Variants in PHF20L1 observed in about 807,000 individuals in gnomAD.
PHF20L1 encodes PHD finger protein 20-like protein 1.
PHF20L1 carries 44 observed loss-of-function variants against 125.5 expected under a neutral mutation model. The ratio of observed to expected loss-of-function variants is 0.35; its 90% confidence interval spans 0.28 to 0.45. The LOEUF is 0.45. Among genes scored for constraint, PHF20L1 ranks in the 20% least tolerant of loss-of-function variants. The pLI is 1.00. For synonymous variants in PHF20L1, 380 were observed against 403.1 expected, an observed-to-expected ratio of 0.94 and a Z score of 0.69; for missense variants, 1,012 against 1,217.2, an observed-to-expected ratio of 0.83 and a Z score of 2.51.
intron 6 of PHF20L1, among the ~76,000 whole-genome samples, chr8:132,802,264 T>G (rs535506207): frequency 6.6e-6 from 1 of 151,738 alleles, no homozygotes; most frequent in East Asian, 1.9e-4. Flanking sequence ...TTCATCGCTC[T>G]TTCACTTTTC....
At chr8:132,793,344 TTGAAATATCTGAAAAAC>T (rs1378450922) in intron 2 of PHF20L1, among the ~76,000 whole-genome samples, 1 of 152,184 alleles carries the variant, frequency 6.6e-6, no homozygotes, top group Non-Finnish European at 1.5e-5. Context: ...AGAATGATCC[TTGAAATATCTGAAAAAC>T]TCTGAATAGC....
At chr8:132,797,534 G>T (rs1178141870) in intron 4 of PHF20L1, among the ~76,000 whole-genome samples, 1 of 151,978 alleles carries the variant, frequency 6.6e-6, no homozygotes, top group Non-Finnish European at 1.5e-5. Flanking sequence ...GAGTTTTTCT[G>T]GAATGCTGTA....
intron 2 of PHF20L1, among the ~76,000 whole-genome samples, chr8:132,789,401 A>G (rs982246202): frequency 3.9e-5 from 6 of 152,170 alleles, no homozygotes; most frequent in African/African-American, 9.6e-5. Flanking sequence ...AGTTATGGCT[A>G]TAGTTTGACT....
At chr8:132,776,558 T>G (rs550288088) in intron 1 of PHF20L1, among the ~76,000 whole-genome samples, 3 of 152,238 alleles carry the variant, frequency 2.0e-5, no homozygotes, top group African/African-American at 4.8e-5. Context: ...GGATACCCAC[T>G]CTCCCCCTCC....
chr8:132,816,477 A>G (rs1051299661), intron 10 of PHF20L1: 1 of 156,450 alleles, frequency 6.4e-6, no homozygotes, highest in Non-Finnish European at 1.4e-5. Flanking sequence ...TTTCCCTTAG[A>G]GTTTCTAGAT....
intron 13 of PHF20L1, chr8:132,825,031 T>A (rs376927064): frequency 1.4e-6 from 2 of 1,439,890 alleles, no homozygotes; most frequent in African/African-American, 2.8e-5. Context: ...GTGTTAACTT[T>A]AAGGTATCAG....
chr8:132,831,875 C>T (rs543813607), intron 14 of PHF20L1, among the ~76,000 whole-genome samples: 1 of 152,136 alleles, frequency 6.6e-6, no homozygotes, highest in Admixed American at 6.6e-5. Flanking sequence ...GTGTGTTGTT[C>T]TTCCCCATGT....
chr8:132,824,752 GTTC>G (rs1214034733), intron 13 of PHF20L1: 1 of 168,356 alleles, frequency 5.9e-6, no homozygotes, highest in Non-Finnish European at 1.3e-5. Flanking sequence ...TTTTCCTCGT[GTTC>G]TTAGCCTTCA....
intron 2 of PHF20L1, among the ~76,000 whole-genome samples, chr8:132,783,501 A>G (rs1023702676): frequency 5.3e-5 from 8 of 152,144 alleles, no homozygotes; most frequent in African/African-American, 1.9e-4. Context: ...TTCTAATTAG[A>G]TTTAACTATT....
At chr8:132,825,236 T>A (rs1055960504) in intron 13 of PHF20L1, 28 bp from the exon 14 acceptor site, 33 of 1,592,584 alleles carry the variant, frequency 2.1e-5, no homozygotes, top group Non-Finnish European at 2.8e-5. Flanking sequence ...CAGTCGTGAT[T>A]GCTAAAGTAT....
chr8:132,814,290 C>T (rs916805078), intron 9 of PHF20L1, among the ~76,000 whole-genome samples: 8 of 151,722 alleles, frequency 5.3e-5, no homozygotes, highest in South Asian at 2.1e-4. Flanking sequence ...GTTTATTTTT[C>T]GAATTATTGT....
chr8:132,784,768 T>G (rs1227117575), intron 2 of PHF20L1, among the ~76,000 whole-genome samples: 2 of 152,232 alleles, frequency 1.3e-5, no homozygotes, highest in African/African-American at 4.8e-5. Flanking sequence ...TTCCTAAAGC[T>G]TTGCGCCTCA....
intron 15 of PHF20L1, among the ~76,000 whole-genome samples, chr8:132,833,182 C>T (rs2131852208): frequency 6.6e-6 from 1 of 152,180 alleles, no homozygotes; most frequent in East Asian, 1.9e-4. Flanking sequence ...AGCATAAGTA[C>T]AACCTAGGAT....
intron 20 of PHF20L1, 36 bp downstream of exon 20, chr8:132,844,354 G>C: frequency 6.7e-7 from 1 of 1,503,120 alleles, no homozygotes; most frequent in Non-Finnish European, 9.1e-7. Flanking sequence ...AGTTACTATA[G>C]TGAATTTATT....
chr8:132,843,961 G>A (rs1838195654), intron 19 of PHF20L1, 195 bp from the exon 20 acceptor site: 1 of 985,204 alleles, frequency 1.0e-6, no homozygotes, highest in Non-Finnish European at 1.2e-6. Flanking sequence ...GTGGAGGGAG[G>A]TGGTGGGTGC....
At chr8:132,802,357 C>T (rs945404860) in intron 6 of PHF20L1, among the ~76,000 whole-genome samples, 4 of 151,584 alleles carry the variant, frequency 2.6e-5, no homozygotes, top group African/African-American at 9.7e-5. Flanking sequence ...TACCCCTTTC[C>T]CTAGCAAATT....
intron 2 of PHF20L1, among the ~76,000 whole-genome samples, chr8:132,785,512 G>A (rs773013784): frequency 7.9e-5 from 12 of 152,160 alleles, no homozygotes; most frequent in African/African-American, 1.2e-4. Context: ...AGAAATTAAC[G>A]GAATATTGAA....
intron 8 of PHF20L1, among the ~76,000 whole-genome samples, chr8:132,806,174 T>G (rs1248868866): frequency 6.6e-6 from 1 of 152,036 alleles, no homozygotes; most frequent in African/African-American, 2.4e-5. Context: ...TCCTTCAATT[T>G]GGATAACCTG....
At chr8:132,806,530 T>A (rs1001040393) in intron 8 of PHF20L1, 17 of 152,050 alleles carry the variant, frequency 1.1e-4, no homozygotes, top group African/African-American at 4.1e-4. Context: ...TCTTTTTATT[T>A]ACTTAGAAAA....
Sources: gnomAD v4.1 joint callset for allele counts (sites outside exome capture counted in the v4.1 genomes callset) on GRCh38, gnomAD v4.1.1 for gene constraint, MANE v1.5 for transcripts, NCBI Gene and HGNC (gene_info 2026-07-23, HGNC 2026-07-21) for gene names.